Variants in RANBP9 observed in about 807,000 individuals in gnomAD.
The protein encoded by RANBP9 is RAN binding protein 9.
RANBP9 carries 15 observed loss-of-function variants against 84.3 expected under a neutral mutation model. That is an observed-to-expected ratio of 0.18 (90% CI 0.12 to 0.27). RANBP9 has a LOEUF of 0.27. Among genes scored for constraint, RANBP9 ranks in the 10% least tolerant of loss-of-function variants. The pLI, the probability that RANBP9 is intolerant of heterozygous loss-of-function variation, is 1.00. For missense variants in RANBP9, 809 were observed against 912.8 expected (o/e 0.89, Z 1.46); for synonymous variants, 392 against 349.6 (o/e 1.12, Z -1.35).
At chr6:13,707,805 G>C (rs537473958) in intron 1 of RANBP9, among the ~76,000 whole-genome samples, 3 of 148,374 alleles carry the variant, frequency 2.0e-5, no homozygotes, top group East Asian at 3.9e-4. Flanking sequence ...TTTAAACTAA[G>C]TCCATTGTCA....
rs1166034488 is a variant in RANBP9, at chr6:13,711,245, C to CGGCGGCGGG, written c.252_260dup (p.Pro90_Pro92dup). ...CCGCTGAGGCAGGGGGAGGCGGGGG[C>CGGCGGCGGG]GGCGGCGGGGGCGGCGGGGCCGCGG... On this transcript the variant is annotated inframe_insertion, in exon 1 of 14. Transcript: ENST00000011619. 1.5e-5 allele frequency: 8 copies of CGGCGGCGGG among 541,724 alleles called. No homozygotes were observed. The highest frequency in any genetic ancestry group is 7.6e-5 in the Admixed American group (1 of 13,132). 33.6% of individuals were successfully genotyped at this position (541,724 alleles called of 1,614,324 possible).
rs144509219 is a variant in RANBP9 at position 13,678,379 on chromosome 6, T to C, written c.683+18406A>G. ...TTTAAAACATGTTTCTTATTTACTA[T>C]ATTTTATTATGTTTTGGCTTTTTAA... On this transcript the variant is annotated intron_variant, in intron 2 of 13. Transcript: ENST00000011619. Among the ~76,000 whole-genome samples, 261 of 152,358 alleles carry C rather than the reference T, an allele frequency of 1.7e-3. 3 individuals are homozygous for C. The highest frequency in any genetic ancestry group is 5.8e-3 in the African/African-American group (241 of 41,586).
intron 2 of RANBP9, among the ~76,000 whole-genome samples, chr6:13,684,447 C>T (rs150348017): frequency 6.6e-6 from 1 of 152,234 alleles, no homozygotes; most frequent in East Asian, 1.9e-4. Context: ...TTCCCTCACC[C>T]GTAACCTCAA....
At chr6:13,702,351 G>T (rs1169830396) in intron 1 of RANBP9, among the ~76,000 whole-genome samples, 1 of 152,164 alleles carries the variant, frequency 6.6e-6, no homozygotes, top group Non-Finnish European at 1.5e-5. Context: ...GCTGAGGGAG[G>T]AGAATTGCTT....
intron 5 of RANBP9, among the ~76,000 whole-genome samples, chr6:13,648,979 GA>G (rs1181597528): frequency 3.3e-5 from 5 of 151,940 alleles, no homozygotes; most frequent in African/African-American, 1.2e-4. Flanking sequence ...AGACTATTTT[GA>G]AAAAAATCTA....
rs139265850 is a variant in RANBP9, at chr6:13,706,773, G to A, written c.571+4162C>T. ...TCCCGGCATTTTGGGAGGCCGAGGC[G>A]GGCAGATCATCTGAGGTCAGGAGTT... On this transcript the variant is annotated intron_variant, in intron 1 of 13. Transcript: ENST00000011619. Among the ~76,000 whole-genome samples the A allele has an allele frequency of 8.0e-3, 1,217 of 151,890 alleles. 13 individuals are homozygous for A. Among genetic ancestry groups the A allele is most frequent in the African/African-American group, 0.027 (1,134 of 41,390 alleles).
At chr6:13,642,428 C>A in intron 7 of RANBP9, 51 bp downstream of exon 7, 2 of 1,110,808 alleles carry the variant, frequency 1.8e-6, no homozygotes, top group East Asian at 2.9e-5. Context: ...TTAAAGTAAC[C>A]AAATCTATAA....
chr6:13,637,820 T>A lies in RANBP9; in HGVS notation c.1661A>T (p.Asn554Ile), dbSNP rs944945680. The A allele has an allele frequency of 6.3e-7, 1 of 1,594,318 alleles. No individual in the cohort carries two copies. Among genetic ancestry groups the A allele is most frequent in the Non-Finnish European group, 8.5e-7 (1 of 1,172,918 alleles). The change falls in exon 10 of 14, where the codon AAT becomes ATT. Residue 554 changes from asparagine to isoleucine, a missense_variant. Transcript: ENST00000011619. The stretch of plus-strand genomic sequence containing the variant: ...TGAAATTACTTACCTGGTGAAGTTA[T>A]TAACTTGCTGTGATCTTGACATATT... Reference protein sequence around the residue: ...SINMSRSQQVNNFTSNDVDME... With the variant: ...SINMSRSQQVINFTSNDVDME...
intron 2 of RANBP9, among the ~76,000 whole-genome samples, chr6:13,660,885 C>G (rs1022941239): frequency 1.3e-5 from 2 of 152,142 alleles, no homozygotes; most frequent in African/African-American, 4.8e-5. Flanking sequence ...TTAAGTATTA[C>G]TTTTTATTTA....
intron 1 of RANBP9, among the ~76,000 whole-genome samples, chr6:13,708,100 G>C (rs1271676284): frequency 6.6e-6 from 1 of 152,196 alleles, no homozygotes; most frequent in African/African-American, 2.4e-5. Flanking sequence ...TCCAAAAGCA[G>C]TAATTTCAAT....
chr6:13,637,659 G>T, intron 10 of RANBP9, 149 bp downstream of exon 10: 1 of 695,798 alleles, frequency 1.4e-6, no homozygotes, highest in Non-Finnish European at 2.2e-6. Flanking sequence ...TTGGGGAACT[G>T]ACTCCCTACG....
At chr6:13,694,113 T>C (rs756045059) in intron 2 of RANBP9, among the ~76,000 whole-genome samples, 3 of 152,148 alleles carry the variant, frequency 2.0e-5, no homozygotes, top group Non-Finnish European at 4.4e-5. Flanking sequence ...GTGAAACAAT[T>C]TGGCAGTTTC....
At chr6:13,710,850 TCGGGGG>T (rs1470651590) in intron 1 of RANBP9, 79 bp downstream of exon 1, 4 of 1,403,484 alleles carry the variant, frequency 2.9e-6, no homozygotes, top group South Asian at 1.3e-5. Context: ...AGGGCGGGGG[TCGGGGG>T]CGGGTCGAGA....
At chr6:13,662,892 G>GA (rs1309401185) in intron 2 of RANBP9, among the ~76,000 whole-genome samples, 2 of 152,026 alleles carry the variant, frequency 1.3e-5, no homozygotes. Context: ...ATAGTAACAT[G>GA]AAAACAGACC....
chr6:13,649,506 C>CA (rs1765247571), intron 5 of RANBP9, among the ~76,000 whole-genome samples: 1 of 149,770 alleles, frequency 6.7e-6, no homozygotes, highest in Non-Finnish European at 1.5e-5. Context: ...TAACCAACTC[C>CA]AAATGAAACT....
At chr6:13,697,986 CAA>C (rs1757880311) in intron 1 of RANBP9, among the ~76,000 whole-genome samples, 1 of 152,150 alleles carries the variant, frequency 6.6e-6, no homozygotes, top group African/African-American at 2.4e-5. Flanking sequence ...TCTTGTAAGT[CAA>C]AAATTGTATC....
At chr6:13,705,863 C>T (rs1369318638) in intron 1 of RANBP9, among the ~76,000 whole-genome samples, 1 of 83,292 alleles carries the variant, frequency 1.2e-5, no homozygotes, top group African/African-American at 5.9e-5. Context: ...AGCAAGACTC[C>T]GTCTCAAAAA....
At chr6:13,633,843 T>C (rs149105653) in intron 11 of RANBP9, among the ~76,000 whole-genome samples, 3 of 152,308 alleles carry the variant, frequency 2.0e-5, no homozygotes, top group East Asian at 1.9e-4. Context: ...TTTGATGGGA[T>C]AGTTTGCTGA....
chr6:13,640,740 G>A (rs1186462323), intron 8 of RANBP9, among the ~76,000 whole-genome samples: 4 of 152,260 alleles, frequency 2.6e-5, no homozygotes, highest in Admixed American at 2.6e-4. Flanking sequence ...GGGGCTAGGG[G>A]GATGAATGGA....
Sources: allele counts gnomAD v4.1 joint callset (sites outside exome capture counted in the v4.1 genomes callset), GRCh38; gene constraint gnomAD v4.1.1; transcripts MANE v1.5; gene names NCBI Gene and HGNC (gene_info 2026-07-23, HGNC 2026-07-21).